RYR3: variants seen among roughly 807,000 people sequenced by gnomAD.
RYR3 encodes the protein brain ryanodine receptor-calcium release channel.
A neutral mutation model predicts 584.3 loss-of-function variants in RYR3; 207 were observed. That is an observed-to-expected ratio of 0.35 (90% CI 0.32 to 0.40). The LOEUF (loss-of-function observed/expected upper bound fraction) is 0.40. RYR3 is among the 10% of genes least tolerant of loss of function. The pLI is 1.00. For missense variants in RYR3, 5,616 were observed against 6,089.2 expected, an observed-to-expected ratio of 0.92 and a Z score of 2.59; for synonymous variants, 2,416 against 2,248.5, an observed-to-expected ratio of 1.07 and a Z score of -2.11.
chr15:33,622,163 G>C (rs184039415), intron 19 of RYR3, among the ~76,000 whole-genome samples: 1 of 152,046 alleles, frequency 6.6e-6, no homozygotes, highest in Non-Finnish European at 1.5e-5. Context: ...ATTTCCTTAC[G>C]TTAAAACCCA....
At chr15:33,505,714 G>A (rs375416853) in intron 3 of RYR3, among the ~76,000 whole-genome samples, 1 of 152,152 alleles carries the variant, frequency 6.6e-6, no homozygotes, top group South Asian at 2.1e-4. Context: ...GGATGGTCTT[G>A]ATCTCCTGAC....
chr15:33,753,364 G>T (rs1043760211), intron 57 of RYR3, among the ~76,000 whole-genome samples: 1 of 152,206 alleles, frequency 6.6e-6, no homozygotes, highest in African/African-American at 2.4e-5. Context: ...GCATCATGAT[G>T]TCCTAAGATG....
intron 82 of RYR3, 42 bp downstream of exon 82, chr15:33,825,718 A>G: frequency 9.9e-7 from 1 of 1,005,036 alleles, no homozygotes; most frequent in South Asian, 1.5e-5. Flanking sequence ...CTTCCTGATT[A>G]AAATCTTTTT....
intron 1 of RYR3, among the ~76,000 whole-genome samples, chr15:33,354,001 C>A (rs919377507): frequency 6.6e-6 from 1 of 152,174 alleles, no homozygotes. Context: ...TATCTGACGG[C>A]TGCCCAGAAT....
intron 12 of RYR3, among the ~76,000 whole-genome samples, chr15:33,568,508 G>A (rs560388784): frequency 1.1e-3 from 165 of 151,650 alleles, no homozygotes; most frequent in African/African-American, 3.7e-3. Context: ...GTCTCACTGC[G>A]GCCTTTCTGC....
At chr15:33,754,320 C>G (rs570806972) in intron 57 of RYR3, among the ~76,000 whole-genome samples, 21 of 152,284 alleles carry the variant, frequency 1.4e-4, no homozygotes, top group Admixed American at 4.6e-4. Flanking sequence ...TTGAAAACTT[C>G]TAATAGCTTC....
At chr15:33,624,151 C>T in intron 20 of RYR3, 128 bp downstream of exon 20, 2 of 694,486 alleles carry the variant, frequency 2.9e-6, no homozygotes, top group Non-Finnish European at 2.5e-6. Flanking sequence ...ATGTGAACAA[C>T]TGTTACTCCT....
intron 1 of RYR3, among the ~76,000 whole-genome samples, chr15:33,448,661 A>C (rs2046867399): frequency 6.6e-6 from 1 of 152,254 alleles, no homozygotes; most frequent in Admixed American, 6.5e-5. Context: ...GTTTATCCAG[A>C]AATCAACTTT....
chr15:33,505,487 T>G (rs535601361), intron 3 of RYR3, among the ~76,000 whole-genome samples: 1 of 152,092 alleles, frequency 6.6e-6, no homozygotes, highest in Non-Finnish European at 1.5e-5. Context: ...ACACTTCCAG[T>G]TTAGGGAAAC....
At chr15:33,768,988 C>A (rs2073340949) in intron 61 of RYR3, 124 bp from the exon 62 acceptor site, 1 of 789,282 alleles carries the variant, frequency 1.3e-6, no homozygotes, top group South Asian at 1.5e-5. Flanking sequence ...TGAACACAGG[C>A]CCAGGACTTT....
intron 1 of RYR3, among the ~76,000 whole-genome samples, chr15:33,449,947 C>G (rs1293594632): frequency 6.6e-6 from 1 of 152,042 alleles, no homozygotes; most frequent in African/African-American, 2.4e-5. Context: ...GGAGAATACC[C>G]AAAAGGAAAG....
intron 10 of RYR3, among the ~76,000 whole-genome samples, chr15:33,555,134 G>A (rs888076748): frequency 7.9e-5 from 12 of 152,162 alleles, no homozygotes; most frequent in African/African-American, 2.9e-4. Context: ...AAACATCTAT[G>A]TGCTAAGCAT....
At chr15:33,662,077 T>G in intron 34 of RYR3, 76 bp from the exon 35 acceptor site, 1 of 1,288,066 alleles carries the variant, frequency 7.8e-7, no homozygotes, top group Non-Finnish European at 1.1e-6. Flanking sequence ...CCTGCCTTTG[T>G]TGGGCTGGAT....
chr15:33,357,371 G>C (rs1974125407), intron 1 of RYR3, among the ~76,000 whole-genome samples: 3 of 152,156 alleles, frequency 2.0e-5, no homozygotes, highest in Non-Finnish European at 4.4e-5. Context: ...GTGAGTCCCG[G>C]TAGGTGAGGG....
intron 3 of RYR3, among the ~76,000 whole-genome samples, chr15:33,527,033 G>A (rs1406946829): frequency 6.6e-6 from 1 of 152,068 alleles, no homozygotes; most frequent in Non-Finnish European, 1.5e-5. Context: ...ATGCGTGTCT[G>A]AAAAACAGAG....
intron 4 of RYR3, among the ~76,000 whole-genome samples, chr15:33,531,345 T>G (rs1054172216): frequency 6.6e-6 from 1 of 151,950 alleles, no homozygotes; most frequent in African/African-American, 2.4e-5. Context: ...AAATATAATT[T>G]TACAATATTT....
intron 38 of RYR3, among the ~76,000 whole-genome samples, chr15:33,681,856 C>A (rs185180638): frequency 9.8e-5 from 15 of 152,318 alleles, no homozygotes; most frequent in Admixed American, 9.8e-4. Context: ...CACAAAGATA[C>A]AACACCAGCG....
chr15:33,843,650 C>A, intron 92 of RYR3, 76 bp downstream of exon 92: 1 of 1,042,232 alleles, frequency 9.6e-7, no homozygotes, highest in Non-Finnish European at 1.4e-6. Context: ...AGAATCATGA[C>A]AGAATTTGTG....
chr15:33,607,239 C>T (rs910299966), intron 18 of RYR3, among the ~76,000 whole-genome samples: 3 of 152,176 alleles, frequency 2.0e-5, no homozygotes, highest in African/African-American at 7.2e-5. Context: ...TTCCAGTTGC[C>T]TTGTTACTCA....
Sources: gnomAD v4.1 joint callset for allele counts (sites outside exome capture counted in the v4.1 genomes callset) on GRCh38, gnomAD v4.1.1 for gene constraint, MANE v1.5 for transcripts, NCBI Gene and HGNC (gene_info 2026-07-23, HGNC 2026-07-21) for gene names.